The following SYT14 variants were observed in gnomAD, a reference collection of about 807,000 sequenced individuals.
SYT14 encodes the protein synaptotagmin-14.
A neutral mutation model predicts 74.2 loss-of-function variants in SYT14; 32 were observed. The ratio of observed to expected loss-of-function variants is 0.43; its 90% confidence interval spans 0.33 to 0.58. The LOEUF is 0.58. Ranked by LOEUF, SYT14 falls within the 20% of genes least tolerant of loss-of-function variation. The pLI is 0.05. For synonymous variants in SYT14, 298 were observed against 337.7 expected (o/e 0.88, Z 1.29); for missense variants, 791 against 981.8 (o/e 0.81, Z 2.60).
chr1:210,162,275 T>C, exon 10 of SYT14: 1 of 438,666 alleles, frequency 2.3e-6, no homozygotes, highest in South Asian at 1.7e-5. Flanking sequence ...AGCTTGAACG[T>C]TGTATTTGCA....
intron 5 of SYT14, among the ~76,000 whole-genome samples, chr1:210,068,006 A>T (rs2081328135): frequency 6.6e-6 from 1 of 151,906 alleles, no homozygotes; most frequent in Admixed American, 6.6e-5. Flanking sequence ...ATACCAGTGA[A>T]TATGCCTCTT....
intron 5 of SYT14, among the ~76,000 whole-genome samples, chr1:210,067,511 G>A (rs1459864077): frequency 1.3e-5 from 2 of 151,882 alleles, no homozygotes; most frequent in Non-Finnish European, 2.9e-5. Flanking sequence ...TTCATGTTGT[G>A]TCATGCGTTA....
rs929432027 is a variant in SYT14 at position 210,162,096 on chromosome 1, T to C, written c.*1054T>C. On this transcript the variant is annotated 3_prime_UTR_variant, in exon 10 of 10. Coordinates refer to ENST00000637265, the Ensembl canonical transcript of SYT14. ...CTTACTTCAATTTATATTTGTGATA[T>C]GAAGACTATCCAGTTCTCAGTTTGA... 25 of 439,144 alleles carry C rather than the reference T, an allele frequency of 5.7e-5. No homozygotes were observed. In the Middle Eastern group the frequency reaches 3.7e-3, roughly 65 times the overall value. The allele number at this position is 439,144 out of a possible 1,614,324, so 27.2% of individuals were successfully genotyped here. A position where few individuals can be genotyped will look rare whatever the true frequency, so the allele number is the denominator to read the frequency against.
chr1:210,003,087 C>T (rs1253586315), intron 2 of SYT14, among the ~76,000 whole-genome samples: 6 of 152,086 alleles, frequency 3.9e-5, no homozygotes, highest in Non-Finnish European at 8.8e-5. Context: ...ACATTTAGAT[C>T]TATAGTCTAT....
intron 5 of SYT14, among the ~76,000 whole-genome samples, chr1:210,041,624 A>G (rs1413256558): frequency 6.6e-6 from 1 of 152,164 alleles, no homozygotes; most frequent in Non-Finnish European, 1.5e-5. Context: ...CCTTTTATCT[A>G]GAAAGGGGGA....
intron 5 of SYT14, among the ~76,000 whole-genome samples, chr1:210,023,512 T>C (rs928604624): frequency 4.0e-5 from 6 of 151,898 alleles, no homozygotes; most frequent in African/African-American, 1.5e-4. Context: ...CCCAGCTAAT[T>C]TTTGTATTTT....
intron 4 of SYT14, 85 bp from the exon 4 acceptor site, chr1:210,020,954 A>G: frequency 9.1e-7 from 1 of 1,103,834 alleles, no homozygotes; most frequent in Non-Finnish European, 1.4e-6. Flanking sequence ...TGTAAAAATT[A>G]TCATTTGACG....
chr1:210,029,715 C>T (rs2080487976), intron 5 of SYT14, among the ~76,000 whole-genome samples: 1 of 152,086 alleles, frequency 6.6e-6, no homozygotes, highest in Non-Finnish European at 1.5e-5. Flanking sequence ...CTATGTTTCT[C>T]TTTTTCAGAA....
intron 7 of SYT14, among the ~76,000 whole-genome samples, chr1:210,119,310 T>C (rs1233324273): frequency 2.0e-5 from 3 of 152,158 alleles, no homozygotes; most frequent in Non-Finnish European, 4.4e-5. Flanking sequence ...GAAATACTAA[T>C]TGCAAAAATG....
At chr1:210,003,929 T>G (rs1282560133) in intron 2 of SYT14, among the ~76,000 whole-genome samples, 1 of 152,022 alleles carries the variant, frequency 6.6e-6, no homozygotes, top group Non-Finnish European at 1.5e-5. Context: ...TTTATTCTGC[T>G]TTTTAATTTT....
exon 10 of SYT14, chr1:210,167,865 C>G (rs2083472146): frequency 6.6e-6 from 1 of 152,132 alleles, no homozygotes; most frequent in South Asian, 2.1e-4. Flanking sequence ...TTTCCCCACT[C>G]TTATTCATAT....
At chr1:210,046,937 A>T (rs1463440549) in intron 5 of SYT14, among the ~76,000 whole-genome samples, 1 of 152,186 alleles carries the variant, frequency 6.6e-6, no homozygotes, top group East Asian at 1.9e-4. Context: ...TCCCCATTCT[A>T]TAAAAGAGGA....
chr1:210,002,556 C>T (rs1391055974), intron 2 of SYT14, among the ~76,000 whole-genome samples: 1 of 151,530 alleles, frequency 6.6e-6, no homozygotes, highest in East Asian at 1.9e-4. Context: ...ACTGTTGAGT[C>T]TCAGATTTTT....
chr1:210,141,957 T>G (rs1269967854), intron 7 of SYT14, among the ~76,000 whole-genome samples: 1 of 152,212 alleles, frequency 6.6e-6, no homozygotes, highest in East Asian at 1.9e-4. Context: ...TTGCTCTTAT[T>G]TTTTCATTGG....
At chr1:210,021,309 T>A (rs1410548380) in intron 5 of SYT14, 55 bp downstream of exon 4, 43 of 1,489,224 alleles carry the variant, frequency 2.9e-5, no homozygotes, top group Non-Finnish European at 3.9e-5. Context: ...TTTGATTACT[T>A]GTGCCTGAAA....
intron 1 of SYT14, among the ~76,000 whole-genome samples, chr1:209,940,298 G>A (rs951253784): frequency 4.6e-5 from 7 of 152,008 alleles, no homozygotes; most frequent in Non-Finnish European, 1.0e-4. Context: ...CCAAAAGGGC[G>A]TCTCATCTTT....
chr1:209,977,741 G>A (rs2079395520), intron 2 of SYT14, among the ~76,000 whole-genome samples: 1 of 152,140 alleles, frequency 6.6e-6, no homozygotes, highest in Admixed American at 6.5e-5. Context: ...TCCCGAATTT[G>A]AATGTTGGCC....
rs377050610 is a variant in SYT14, at chr1:210,059,451, T to TATAGAGAG, written c.1313-34870_1313-34869insTAGAGAGA. Reference sequence around the variant, plus strand: ...GAATATATATATATATATATATATATAGAGAGAGAGAGAGAGAGAGAGAGA... The same window carrying TATAGAGAG: ...GAATATATATATATATATATATATATATAGAGAGAGAGAGAGAGAGAGAGAGAGAGAGA... On this transcript the variant is annotated intron_variant, in intron 5 of 9. Coordinates refer to ENST00000637265, the Ensembl canonical transcript of SYT14. Among the ~76,000 whole-genome samples, 216 of 69,884 alleles carry TATAGAGAG rather than the reference T, an allele frequency of 3.1e-3. 1 individual carries two copies. The highest frequency in any genetic ancestry group is 9.6e-3 in the African/African-American group (122 of 12,742). 45.8% of individuals were successfully genotyped at this position (69,884 alleles called of 152,430 possible). A position where few individuals can be genotyped will look rare whatever the true frequency, so the allele number is the denominator to read the frequency against.
chr1:209,956,161 AT>A (rs2078988431), intron 2 of SYT14, among the ~76,000 whole-genome samples: 1 of 151,996 alleles, frequency 6.6e-6, no homozygotes, highest in African/African-American at 2.4e-5. Flanking sequence ...TTCCCGCTAT[AT>A]TGAAGTATAC....
Sources: allele counts gnomAD v4.1 joint callset (sites outside exome capture counted in the v4.1 genomes callset), GRCh38; gene constraint gnomAD v4.1.1; transcripts MANE v1.5; gene names NCBI Gene and HGNC (gene_info 2026-07-23, HGNC 2026-07-21).